Variants in STIM2 observed in about 807,000 individuals in gnomAD.
The protein encoded by STIM2 is stromal interaction molecule 2.
Under a neutral mutation model 85.8 loss-of-function variants are expected in STIM2, and 31 were observed. The ratio of observed to expected loss-of-function variants is 0.36; its 90% confidence interval spans 0.27 to 0.49. The LOEUF (loss-of-function observed/expected upper bound fraction) is 0.49. Ranked by LOEUF, STIM2 falls within the 20% of genes least tolerant of loss-of-function variation. The probability of loss-of-function intolerance (pLI) is 0.98; values close to 1 mark genes in which losing one functional copy is unlikely to be tolerated. For synonymous variants in STIM2, 356 were observed against 331.1 expected, an observed-to-expected ratio of 1.08 and a Z score of -0.82; for missense variants, 841 against 927.6, an observed-to-expected ratio of 0.91 and a Z score of 1.21.
chr4:26,912,131 A>C (rs921724661), intron 1 of STIM2, among the ~76,000 whole-genome samples: 2 of 152,238 alleles, frequency 1.3e-5, no homozygotes, highest in Non-Finnish European at 2.9e-5. Flanking sequence ...TTGAGCGATT[A>C]GTGGAAGTAC....
At chr4:26,995,318 G>T in intron 3 of STIM2, 61 bp from the exon 4 acceptor site, 2 of 844,030 alleles carry the variant, frequency 2.4e-6, no homozygotes, top group South Asian at 2.1e-5. Context: ...TGAAATTATA[G>T]AATATGTATT....
chr4:27,008,312 C>G (rs750615330), intron 8 of STIM2, 116 bp from the exon 9 acceptor site: 7 of 571,442 alleles, frequency 1.2e-5, no homozygotes, highest in Non-Finnish European at 2.1e-5. Context: ...TAATTCTCTA[C>G]TGGTTTTATG....
chr4:27,013,139 T>A (rs1332850713), intron 10 of STIM2, among the ~76,000 whole-genome samples: 1 of 151,302 alleles, frequency 6.6e-6, no homozygotes, highest in Non-Finnish European at 1.5e-5. Flanking sequence ...ATAAAATAAA[T>A]GAAAGAGTAG....
intron 1 of STIM2, among the ~76,000 whole-genome samples, chr4:26,864,811 A>C (rs1722337041): frequency 6.6e-6 from 1 of 152,186 alleles, no homozygotes; most frequent in Non-Finnish European, 1.5e-5. Flanking sequence ...TTTACCCAGT[A>C]CTGTTACACA....
chr4:26,902,113 C>G (rs968414913), intron 1 of STIM2, among the ~76,000 whole-genome samples: 1 of 151,996 alleles, frequency 6.6e-6, no homozygotes, highest in Non-Finnish European at 1.5e-5. Context: ...TGACCAGATT[C>G]ATATTCTGAA....
In STIM2 at chr4:26,861,097, G is replaced by A; in HGVS notation, c.-122G>A. ...GCGGTGGTGGCGCCTCGCGGAGCCG[G>A]CGAGCTGCAGGCGGCCGGGGCGCCG... On this transcript the variant is annotated 5_prime_UTR_variant, in exon 1 of 12. Coordinates refer to ENST00000467087, the MANE Select transcript of STIM2 (RefSeq NM_020860.4). 1.7e-6 allele frequency: 2 copies of A among 1,197,636 alleles called. No homozygotes were observed. The highest frequency in any genetic ancestry group is 2.1e-6 in the Non-Finnish European group (2 of 967,980). 74.2% of individuals were successfully genotyped at this position (1,197,636 alleles called of 1,614,324 possible).
intron 3 of STIM2, among the ~76,000 whole-genome samples, chr4:26,988,371 A>G (rs1423751008): frequency 1.3e-5 from 2 of 152,222 alleles, no homozygotes; most frequent in Non-Finnish European, 1.5e-5. Flanking sequence ...TTCTTATCTA[A>G]GTCTTAAAGA....
In STIM2 at chr4:27,007,542, G is replaced by A. The variant is rs2109136139; in HGVS notation, c.991G>A (p.Ala331Thr). 1 of 1,543,822 alleles carries A rather than the reference G, an allele frequency of 6.5e-7. No individual in the cohort carries two copies. The highest frequency in any genetic ancestry group is 1.4e-5 in the African/African-American group (1 of 72,440). ...CCTTTCCTTCTTCTAGGTTCGCATGGCTCTGAAAAAGGCCGAAAAAGAATT... is the reference window on the plus strand; with the variant it reads ...CCTTTCCTTCTTCTAGGTTCGCATGACTCTGAAAAAGGCCGAAAAAGAATT... The change falls in exon 8 of 12, where the codon GCT becomes ACT. Residue 331 changes from alanine (A) to threonine (T), a missense_variant. Ala to Thr is a moderately conservative substitution (Grantham distance 58, BLOSUM62 0). Coordinates refer to ENST00000467087, the MANE Select transcript of STIM2 (RefSeq NM_020860.4).
chr4:26,869,633 A>G lies in STIM2; in HGVS notation c.151+8264A>G, dbSNP rs144391450. Among the ~76,000 whole-genome samples, 474 of 152,196 alleles carry G rather than the reference A, an allele frequency of 3.1e-3. 2 individuals carry two copies. The highest frequency in any genetic ancestry group is 0.011 in the African/African-American group (442 of 41,502). On this transcript the variant is annotated intron_variant, in intron 1 of 11. Transcript: ENST00000467087. Reference sequence around the variant, plus strand: ...AGCCTCAAACTCCTGGACTCAATCAATCTTCCCGCCTTAGCCTCCCAGGCT... The same window carrying G: ...AGCCTCAAACTCCTGGACTCAATCAGTCTTCCCGCCTTAGCCTCCCAGGCT...
chr4:27,008,294 T>C lies in STIM2; in HGVS notation c.1150-134T>C, dbSNP rs1728438840. The stretch of plus-strand genomic sequence containing the variant: ...TTCTTTTTTGGAATGCAGGGATATC[T>C]TGGCTAGTAATTCTCTACTGGTTTT... On this transcript the variant is annotated intron_variant, in intron 8 of 11. Coordinates refer to ENST00000467087, the MANE Select transcript of STIM2 (RefSeq NM_020860.4). The C allele has an allele frequency of 5.5e-6, 3 of 541,746 alleles. No individual in the cohort carries two copies. The Admixed American group carries it at 1.1e-4, about 20-fold the overall frequency. The allele number at this position is 541,746 out of a possible 1,614,324, so 33.6% of individuals were successfully genotyped here. A position where few individuals can be genotyped will look rare whatever the true frequency, so the allele number is the denominator to read the frequency against.
At chr4:26,935,492 G>A (rs553487209) in intron 2 of STIM2, among the ~76,000 whole-genome samples, 4 of 152,324 alleles carry the variant, frequency 2.6e-5, no homozygotes, top group African/African-American at 7.2e-5. Context: ...TGGAGTTGGT[G>A]TAGTTCCAAG....
intron 2 of STIM2, among the ~76,000 whole-genome samples, chr4:26,928,181 G>T (rs556183627): frequency 6.6e-6 from 1 of 151,956 alleles, no homozygotes. Flanking sequence ...TGAGGGTTGG[G>T]CCCTTATGGT....
At chr4:26,949,615 G>A (rs1271368918) in intron 2 of STIM2, among the ~76,000 whole-genome samples, 1 of 152,160 alleles carries the variant, frequency 6.6e-6, no homozygotes, top group Non-Finnish European at 1.5e-5. Context: ...TTGAGGAACA[G>A]TTCTGATACA....
At chr4:26,932,355 C>T (rs1478388334) in intron 2 of STIM2, among the ~76,000 whole-genome samples, 2 of 152,042 alleles carry the variant, frequency 1.3e-5, no homozygotes, top group African/African-American at 4.8e-5. Context: ...TGTAAGTGGT[C>T]AGTCGGTTTT....
At chr4:26,894,653 G>A (rs1723626341) in intron 1 of STIM2, among the ~76,000 whole-genome samples, 1 of 151,618 alleles carries the variant, frequency 6.6e-6, no homozygotes, top group Non-Finnish European at 1.5e-5. Flanking sequence ...TTTTTTCACT[G>A]ATCTATTTTT....
At chr4:27,022,259 A>C (rs1728938874) in intron 11 of STIM2, among the ~76,000 whole-genome samples, 1 of 152,208 alleles carries the variant, frequency 6.6e-6, no homozygotes, top group African/African-American at 2.4e-5. Flanking sequence ...TATTTGACAA[A>C]AAGGAGGTGT....
intron 1 of STIM2, among the ~76,000 whole-genome samples, chr4:26,885,854 T>TAC (rs1723213403): frequency 4.2e-5 from 5 of 119,698 alleles, no homozygotes; most frequent in Admixed American, 8.4e-5. Context: ...TATATATATA[T>TAC]ATATATATAT....
intron 4 of STIM2, among the ~76,000 whole-genome samples, chr4:26,996,214 G>A (rs1000370369): frequency 1.5e-4 from 23 of 151,898 alleles, no homozygotes; most frequent in African/African-American, 5.1e-4. Context: ...TGTATCATTT[G>A]CAAGTACCAA....
intron 3 of STIM2, among the ~76,000 whole-genome samples, chr4:26,963,090 T>C (rs1347096728): frequency 6.6e-6 from 1 of 152,164 alleles, no homozygotes; most frequent in African/African-American, 2.4e-5. Flanking sequence ...CACTTAATAA[T>C]GGTTATTTTC....
Sources: gnomAD v4.1 joint callset for allele counts (sites outside exome capture counted in the v4.1 genomes callset) on GRCh38, gnomAD v4.1.1 for gene constraint, MANE v1.5 for transcripts, NCBI Gene and HGNC (gene_info 2026-07-23, HGNC 2026-07-21) for gene names.